Variants in SCN9A observed in about 807,000 individuals in gnomAD.
SCN9A encodes the protein sodium voltage-gated channel alpha subunit 9.
SCN9A carries 131 observed loss-of-function variants against 187.0 expected under a neutral mutation model. The ratio of observed to expected loss-of-function variants is 0.70; its 90% CI spans 0.61 to 0.81. SCN9A has a LOEUF of 0.81. SCN9A is among the 30% of genes least tolerant of loss of function. The pLI is 0.00. For missense variants in SCN9A, 2,252 were observed against 2,396.6 expected (o/e 0.94, Z 1.26); for synonymous variants, 809 against 808.6 (o/e 1.00, Z -0.01).
At chr2:166,248,731 A>C (rs541642585) in intron 18 of SCN9A, among the ~76,000 whole-genome samples, 5 of 152,238 alleles carry the variant, frequency 3.3e-5, no homozygotes, top group African/African-American at 1.2e-4. Flanking sequence ...CAGTGGCACA[A>C]TCTTGGCTCA....
chr2:166,304,286 G>A lies in SCN9A; in HGVS notation c.640C>T (p.Arg214Ter), dbSNP rs377543079. 33 of 1,613,324 alleles carry A rather than the reference G, an allele frequency of 2.0e-5. No individual in the cohort carries two copies. In the East Asian group the frequency reaches 2.7e-4, roughly 13 times the overall value. The change falls in exon 6 of 27, where the codon CGA (arginine) becomes TGA (stop). Residue 214 changes from arginine (R) to a stop codon, truncating the protein, a stop_gained. Transcript: ENST00000642356. LOFTEE classifies it high-confidence loss of function. ...AAAGCTCTCAATACTCTGAAAGTTCGAAGAGCTGAAACATTGCCTAGGTTT... is the reference window on the plus strand; with the variant it reads ...AAAGCTCTCAATACTCTGAAAGTTCAAAGAGCTGAAACATTGCCTAGGTTT... ...FVNLGNVSAL[R>*]TFRVLRALKT...
chr2:166,221,582 C>T (rs1486762669), intron 24 of SCN9A, among the ~76,000 whole-genome samples: 4 of 151,972 alleles, frequency 2.6e-5, no homozygotes, highest in Admixed American at 6.6e-5. Flanking sequence ...CAAATATCTT[C>T]GTAAAGAAGG....
At position 166,203,805 on chromosome 2, in the gene SCN9A, T is replaced by C. The variant is rs1372831512; in HGVS notation, c.4774+150A>G. The C allele has an allele frequency of 1.0e-5, 6 of 589,952 alleles. No homozygotes were observed. In the East Asian group the frequency reaches 1.7e-4, roughly 17 times the overall value. The allele number at this position is 589,952 out of a possible 1,614,324, so 36.5% of individuals were successfully genotyped here. On this transcript the variant is annotated intron_variant, in intron 26 of 26. Transcript: ENST00000642356. ...CACTGTAGTATGAGAGACAGATATTTGTTTTGCTTTTTAGGATTTTTTCAT... is the reference window on the plus strand; with the variant it reads ...CACTGTAGTATGAGAGACAGATATTCGTTTTGCTTTTTAGGATTTTTTCAT...
intron 1 of SCN9A, among the ~76,000 whole-genome samples, chr2:166,348,620 T>TA (rs1214454549): frequency 2.0e-5 from 3 of 152,062 alleles, no homozygotes; most frequent in Non-Finnish European, 4.4e-5. Context: ...TCTCTTCTGT[T>TA]AAAAAATCAT....
At chr2:166,211,995 A>C (rs1188878667) in intron 24 of SCN9A, among the ~76,000 whole-genome samples, 1 of 152,256 alleles carries the variant, frequency 6.6e-6, no homozygotes, top group East Asian at 1.9e-4. Flanking sequence ...AGATTTATGA[A>C]AACAAGATCC....
In SCN9A at chr2:166,200,036, C is replaced by G. The variant is rs373721969; in HGVS notation, c.4775-172G>C. 2.0e-5 allele frequency among the ~76,000 whole-genome samples: 2 copies of G among 97,878 alleles called. 1 individual carries two copies. Among genetic ancestry groups the G allele is most frequent in the African/African-American group, 8.3e-5 (2 of 24,036 alleles). 64.2% of individuals were successfully genotyped at this position (97,878 alleles called of 152,430 possible). A position where few individuals can be genotyped will look rare whatever the true frequency, so the allele number is the denominator to read the frequency against. ...TTTTTGAGACGGAGTCTCGCTCTGT[C>G]GCCCAGGCTGGAGTGCAGTGGCGCG... On this transcript the variant is annotated intron_variant, in intron 26 of 26. Transcript: ENST00000642356.
intron 17 of SCN9A, among the ~76,000 whole-genome samples, chr2:166,260,810 C>G (rs1293708601): frequency 1.3e-5 from 2 of 151,674 alleles, no homozygotes; most frequent in Admixed American, 6.6e-5. Context: ...TATCTGTGTT[C>G]AGTAACATAA....
rs754455081 is a variant in SCN9A at position 166,284,487 on chromosome 2, T to A, written c.1940A>T (p.Glu647Val). ...AGAAGTTGCCTTATCTATTATCACCTCTGGCAGAAGCTGTCCATTGGGGAG... is the reference window on the plus strand; with the variant it reads ...AGAAGTTGCCTTATCTATTATCACCACTGGCAGAAGCTGTCCATTGGGGAG... ...LMLPNGQLLPEVIIDKATSDD... is the reference protein window; with the variant it reads ...LMLPNGQLLPVVIIDKATSDD... Residue 647 changes from glutamate (E) to valine (V), a missense_variant, in exon 12 of 27, where the codon GAG becomes GTG. This residue lies in a region of SCN9A where 1,013 missense variants were observed against 997.4 expected (regional missense o/e 1.02). Coordinates refer to ENST00000642356, the MANE Select transcript of SCN9A (RefSeq NM_001365536.1). 10 of 1,613,992 alleles carry A rather than the reference T, an allele frequency of 6.2e-6. No individual in the cohort carries two copies. The highest frequency in any genetic ancestry group is 1.3e-5 in the African/African-American group (1 of 75,050).
In SCN9A at chr2:166,303,255, A is replaced by G. The variant is rs1352385457; in HGVS notation, c.736T>C (p.Ser246Pro). The change falls in exon 7 of 27, where the codon TCT (serine) becomes CCT (proline). Residue 246 changes from serine (S) to proline (P), a missense_variant. By Grantham distance (74) the Ser-to-Pro change is moderately conservative (BLOSUM62 -1). Around this residue, in one of 7 missense-constraint regions of SCN9A, gnomAD observed 1,013 missense variants for 997.4 expected, o/e 1.02. Coordinates refer to ENST00000642356, the MANE Select transcript of SCN9A (RefSeq NM_001365536.1). ...AACACAGTCAGGATCATGACATCAG[A>G]AAGCTTCTTCACTGACTGGATCAAA... ...GALIQSVKKLSDVMILTVFCL... is the reference protein window; with the variant it reads ...GALIQSVKKLPDVMILTVFCL... 6.2e-7 allele frequency: 1 copy of G among 1,613,560 alleles called. No homozygotes were observed. The highest frequency in any genetic ancestry group is 1.3e-5 in the African/African-American group (1 of 74,886).
intron 17 of SCN9A, among the ~76,000 whole-genome samples, chr2:166,254,421 G>A (rs1201225121): frequency 6.6e-6 from 1 of 151,380 alleles, no homozygotes; most frequent in Non-Finnish European, 1.5e-5. Flanking sequence ...ACTTGCTACA[G>A]TATAAGCTTC....
Position 166,367,041 on chromosome 2 carries a change from A to T in SCN9A, c.-51+8656T>A, listed in dbSNP as rs528701463. 2.6e-5 allele frequency among the ~76,000 whole-genome samples: 4 copies of T among 152,312 alleles called. No homozygotes were observed. The South Asian group carries it at 8.3e-4, about 32-fold the overall frequency. Reference sequence around the variant, plus strand: ...TGTGATTTAGGTTTCATTTGTGTGTATCAATTTGTGATGCTCTAAATATTT... The same window carrying T: ...TGTGATTTAGGTTTCATTTGTGTGTTTCAATTTGTGATGCTCTAAATATTT... On this transcript the variant is annotated intron_variant, in intron 1 of 26. Coordinates refer to ENST00000642356, the MANE Select transcript of SCN9A (RefSeq NM_001365536.1).
intron 24 of SCN9A, among the ~76,000 whole-genome samples, chr2:166,209,110 C>A (rs1693957717): frequency 1.3e-5 from 2 of 152,164 alleles, no homozygotes; most frequent in Non-Finnish European, 2.9e-5. Context: ...TTGAGAGACT[C>A]TCAGTATCTC....
At chr2:166,227,194 G>A (rs567537069) in intron 23 of SCN9A, among the ~76,000 whole-genome samples, 60 of 152,036 alleles carry the variant, frequency 3.9e-4, no homozygotes, top group African/African-American at 1.4e-3. Flanking sequence ...ACTCATCCAA[G>A]GTGTTTTAAA....
chr2:166,205,045 T>C (rs1338238253), intron 24 of SCN9A: 1 of 152,216 alleles, frequency 6.6e-6, no homozygotes, highest in Non-Finnish European at 1.5e-5. Flanking sequence ...TCCATGCTCA[T>C]GGATAGGAAG....
At chr2:166,225,933 T>A (rs2106382418) in intron 24 of SCN9A, among the ~76,000 whole-genome samples, 1 of 152,252 alleles carries the variant, frequency 6.6e-6, no homozygotes. Context: ...AATTTGGACT[T>A]CTAACCTCCA....
intron 24 of SCN9A, among the ~76,000 whole-genome samples, chr2:166,220,827 C>A (rs1376755431): frequency 6.6e-6 from 1 of 151,784 alleles, no homozygotes; most frequent in African/African-American, 2.4e-5. Context: ...AGAAATTAGG[C>A]AAGAAAAACA....
chr2:166,221,416 T>C (rs1694578170), intron 24 of SCN9A, among the ~76,000 whole-genome samples: 1 of 152,194 alleles, frequency 6.6e-6, no homozygotes, highest in Non-Finnish European at 1.5e-5. Flanking sequence ...ATTTATTTAT[T>C]GAGAGAGAAG....
intron 24 of SCN9A, among the ~76,000 whole-genome samples, chr2:166,211,879 A>G (rs1234705121): frequency 1.3e-5 from 2 of 152,160 alleles, no homozygotes; most frequent in Non-Finnish European, 2.9e-5. Context: ...GAATTACAAA[A>G]CAGAAAAATT....
At chr2:166,313,326 ATTC>A (rs2105230802) in intron 1 of SCN9A, among the ~76,000 whole-genome samples, 1 of 152,238 alleles carries the variant, frequency 6.6e-6, no homozygotes, top group African/African-American at 2.4e-5. Context: ...GCTATAATAT[ATTC>A]TTCTAGTAGA....
Sources: gnomAD v4.1 joint callset for allele counts (sites outside exome capture counted in the v4.1 genomes callset) on GRCh38, gnomAD v4.1.1 for gene constraint, gnomAD v4.1.1 regional missense constraint, MANE v1.5 for transcripts, NCBI Gene and HGNC (gene_info 2026-07-23, HGNC 2026-07-21) for gene names.